RNF157: variants seen among roughly 807,000 people sequenced by gnomAD.
RNF157 encodes the protein ring finger protein 157.
A neutral mutation model predicts 88.3 loss-of-function variants in RNF157; 55 were observed. That is an observed-to-expected ratio of 0.62 (90% CI 0.50 to 0.78). The LOEUF is 0.78. Among genes scored for constraint, RNF157 ranks in the 30% least tolerant of loss-of-function variants. The pLI is 0.00. For missense variants in RNF157, 788 were observed against 860.8 expected, an observed-to-expected ratio of 0.92 and a Z score of 1.06; for synonymous variants, 334 against 341.2, an observed-to-expected ratio of 0.98 and a Z score of 0.23.
intron 1 of RNF157, among the ~76,000 whole-genome samples, chr17:76,238,535 G>C (rs2070320403): frequency 6.6e-6 from 1 of 152,092 alleles, no homozygotes; most frequent in Non-Finnish European, 1.5e-5. Flanking sequence ...ATATGCTTTG[G>C]GGAACAGCCT....
intron 1 of RNF157, among the ~76,000 whole-genome samples, chr17:76,218,475 T>C (rs1858096550): frequency 1.3e-5 from 2 of 151,966 alleles, no homozygotes; most frequent in East Asian, 1.9e-4. Context: ...ACCTCATCTC[T>C]ACAATAAAAA....
intron 18 of RNF157, among the ~76,000 whole-genome samples, chr17:76,148,064 G>T (rs956529085): frequency 6.6e-6 from 1 of 152,088 alleles, no homozygotes; most frequent in Admixed American, 6.6e-5. Context: ...AACTTAGTTT[G>T]AAATTTTCCT....
chr17:76,155,213 T>G, intron 16 of RNF157, 39 bp downstream of exon 16: 2 of 1,582,032 alleles, frequency 1.3e-6, no homozygotes, highest in Non-Finnish European at 1.7e-6. Context: ...ACTCCTCTGG[T>G]TGTGGGAAGG....
At chr17:76,223,151 A>C (rs1598441521) in intron 1 of RNF157, among the ~76,000 whole-genome samples, 2 of 150,584 alleles carry the variant, frequency 1.3e-5, no homozygotes, top group Non-Finnish European at 2.9e-5. Flanking sequence ...GGGCCTCCCA[A>C]AGTGCTGGGA....
intron 1 of RNF157, among the ~76,000 whole-genome samples, chr17:76,237,997 T>C (rs138702366): frequency 4.0e-5 from 6 of 151,656 alleles, no homozygotes; most frequent in East Asian, 1.9e-4. Flanking sequence ...GGCGGGAGAA[T>C]TGCTTGAACC....
rs2068839456 is a variant in RNF157 at position 76,161,187 on chromosome 17, C to T, written c.1065+348G>A. On this transcript the variant is annotated intron_variant, in intron 11 of 18. Transcript: ENST00000269391. The surrounding 1 kb of genome is among the most constrained non-coding windows in gnomAD (Gnocchi z 4.6). ...AAAACAGTTACTTTCTTCGAGGATT[C>T]AAATAAAGATAATAAATTGTATTTA... Among the ~76,000 whole-genome samples, 3 of 152,102 alleles carry T rather than the reference C, an allele frequency of 2.0e-5. No homozygotes were observed. The highest frequency in any genetic ancestry group is 2.0e-4 in the Admixed American group (3 of 15,270).
rs752643328 is a variant in RNF157, at chr17:76,165,508, A to C, written c.666T>G (p.Phe222Leu). 4.8e-5 allele frequency: 77 copies of C among 1,613,972 alleles called. No individual in the cohort carries two copies. The highest frequency in any genetic ancestry group is 6.3e-5 in the Non-Finnish European group (74 of 1,179,820). ...FGHCHVLLGT[F>L]EKHTDGTFCV... Reference sequence around the variant, plus strand: ...GCCCTCTAAAGTCACTCACCTTCTCAAAAGTACCCAGCAGTACATGGCAAT... The same window carrying C: ...GCCCTCTAAAGTCACTCACCTTCTCCAAAGTACCCAGCAGTACATGGCAAT... Residue 222 changes from phenylalanine to leucine, a missense_variant, in exon 7 of 19, where the codon TTT (phenylalanine) becomes TTG (leucine). Coordinates refer to ENST00000269391, the MANE Select transcript of RNF157 (RefSeq NM_052916.3).
At position 76,146,743 on chromosome 17, in the gene RNF157, C is replaced by T. The variant is rs1171755370; in HGVS notation, c.1922-1390G>A. 1.3e-5 allele frequency: 13 copies of T among 985,242 alleles called. No homozygotes were observed. The highest frequency in any genetic ancestry group is 6.1e-5 in the Admixed American group (1 of 16,272). 61.0% of individuals were successfully genotyped at this position (985,242 alleles called of 1,614,324 possible). On this transcript the variant is annotated intron_variant, in intron 18 of 18. Coordinates refer to ENST00000269391, the MANE Select transcript of RNF157 (RefSeq NM_052916.3). This position sits in a 1 kb window ranked among gnomAD's most constrained non-coding sequence, Gnocchi z 4.2. ...GACAAAGCTCCTCCTGGGCAGGGGC[C>T]GTGACTTCTTCACTGTTGCAGTCCA... is the stretch of plus-strand genomic sequence containing the variant.
At chr17:76,147,423 G>T in intron 18 of RNF157, 3 of 768,648 alleles carry the variant, frequency 3.9e-6, no homozygotes, top group Non-Finnish European at 4.8e-6. Context: ...CCACCAGCAA[G>T]CCATGGAATG....
intron 3 of RNF157, among the ~76,000 whole-genome samples, chr17:76,171,453 G>A (rs2069014089): frequency 6.6e-6 from 1 of 152,172 alleles, no homozygotes. Flanking sequence ...CTCCCAAAGT[G>A]CTGGGATTAC....
intron 17 of RNF157, chr17:76,153,069 G>C (rs1288585555): frequency 6.6e-6 from 1 of 152,224 alleles, no homozygotes; most frequent in African/African-American, 2.4e-5. Flanking sequence ...ATGTAAGAAG[G>C]GAAGGGAAAA....
chr17:76,235,837 T>C (rs1465211664), intron 1 of RNF157, among the ~76,000 whole-genome samples: 3 of 152,066 alleles, frequency 2.0e-5, no homozygotes, highest in African/African-American at 7.2e-5. Context: ...AGTGAGATAC[T>C]GTCTCTACAA....
chr17:76,148,566 CTT>C (rs35003550), intron 18 of RNF157, among the ~76,000 whole-genome samples: 81 of 132,834 alleles, frequency 6.1e-4, no homozygotes, highest in Non-Finnish European at 6.0e-4. Flanking sequence ...CGTGCCCCGC[CTT>C]TTTTTTTTTT....
intron 2 of RNF157, among the ~76,000 whole-genome samples, chr17:76,189,835 C>CAAATAAAT (rs59153651): frequency 6.6e-6 from 1 of 151,576 alleles, no homozygotes; most frequent in Non-Finnish European, 1.5e-5. Context: ...AGAACACAAA[C>CAAATAAAT]AAAAACAACT....
intron 2 of RNF157, among the ~76,000 whole-genome samples, chr17:76,182,500 GA>G (rs1461392446): frequency 4.1e-5 from 6 of 146,650 alleles, no homozygotes; most frequent in Non-Finnish European, 8.9e-5. Flanking sequence ...ACATGTCCTA[GA>G]TTTTTTTTTT....
At chr17:76,182,316 A>G (rs969977713) in intron 2 of RNF157, among the ~76,000 whole-genome samples, 1 of 152,142 alleles carries the variant, frequency 6.6e-6, no homozygotes, top group Non-Finnish European at 1.5e-5. Flanking sequence ...GGTGCTCATC[A>G]GCTTCCTTTT....
At chr17:76,226,389 G>A in intron 1 of RNF157, 1 of 1,593,680 alleles carries the variant, frequency 6.3e-7, no homozygotes, top group Non-Finnish European at 8.6e-7. Flanking sequence ...TGGCCAATTG[G>A]GTTCACCATC....
At chr17:76,226,287 G>T in intron 1 of RNF157, 10 of 1,609,154 alleles carry the variant, frequency 6.2e-6, no homozygotes, top group Non-Finnish European at 8.5e-6. Flanking sequence ...GAATGATCTG[G>T]AGTGGAGGAC....
chr17:76,194,996 C>T (rs1181165642), intron 2 of RNF157, among the ~76,000 whole-genome samples: 1 of 152,058 alleles, frequency 6.6e-6, no homozygotes, highest in Non-Finnish European at 1.5e-5. Flanking sequence ...GCCTGGGTGA[C>T]AGAGCGAGAC....
Sources: gnomAD v4.1 joint callset for allele counts (sites outside exome capture counted in the v4.1 genomes callset) on GRCh38, gnomAD v4.1.1 for gene constraint, Gnocchi (gnomAD v3.1) non-coding constraint, MANE v1.5 for transcripts, NCBI Gene and HGNC (gene_info 2026-07-23, HGNC 2026-07-21) for gene names.